Variants in PWWP3B observed in about 807,000 individuals in gnomAD.
PWWP3B encodes PWWP domain-containing DNA repair factor 3B.
A neutral mutation model predicts 15.7 loss-of-function variants in PWWP3B; 5 were observed. That is an observed-to-expected ratio of 0.32 (90% confidence interval 0.17 to 0.67). The LOEUF (loss-of-function observed/expected upper bound fraction) is 0.67. PWWP3B is among the 30% of genes least tolerant of loss of function. The pLI, the probability that PWWP3B is intolerant of heterozygous loss-of-function variation, is 0.74. For synonymous variants in PWWP3B, 203 were observed against 179.8 expected (o/e 1.13, Z -1.03); for missense variants, 519 against 493.1 (o/e 1.05, Z -0.50).
chrX:106,184,877 G>T (rs1922413843), intron 2 of PWWP3B, among the ~76,000 whole-genome samples: 1 of 110,978 alleles, frequency 9.0e-6, no homozygotes, highest in Non-Finnish European at 1.9e-5. Context: ...AGGGGTTTTT[G>T]TGGTCCCTTG....
intron 2 of PWWP3B, among the ~76,000 whole-genome samples, chrX:106,176,847 T>G (rs1921926297): frequency 8.9e-6 from 1 of 111,926 alleles, no homozygotes; most frequent in Admixed American, 9.5e-5. Flanking sequence ...GAGATATACA[T>G]CATGTGCCAG....
chrX:106,175,407 A>AT (rs1174209610), intron 2 of PWWP3B, among the ~76,000 whole-genome samples: 2 of 107,472 alleles, frequency 1.9e-5, no homozygotes, highest in Non-Finnish European at 3.9e-5. Flanking sequence ...CCCCCTGCTG[A>AT]TTTTTTGTAT....
intron 2 of PWWP3B, among the ~76,000 whole-genome samples, chrX:106,193,209 G>C (rs1050680927): frequency 5.4e-5 from 6 of 111,390 alleles, no homozygotes; most frequent in Non-Finnish European, 7.5e-5. Flanking sequence ...CTTGCTTTAT[G>C]AATCTGGGTG....
chrX:106,208,051 C>G lies in PWWP3B; in HGVS notation c.*528C>G. On this transcript the variant is annotated 3_prime_UTR_variant, in exon 4 of 4. Transcript: ENST00000357175. ...AAAAAAATTATCTGCTATATAGAAC[C>G]AAAGATAGATTCGCTTTGCTATATA... 1 of 123,616 alleles carries G rather than the reference C, an allele frequency of 8.1e-6. No individual in the cohort carries two copies. Among genetic ancestry groups the G allele is most frequent in the Middle Eastern group, 4.3e-3 (1 of 235 alleles). The allele number at this position is 123,616 out of a possible 1,213,427, so 10.2% of individuals were successfully genotyped here.
rs750656598 is a variant in PWWP3B, at chrX:106,205,525, G to A, written c.93G>A (p.Arg31=). The A allele has an allele frequency of 2.5e-6, 3 of 1,201,222 alleles. No individual in the cohort carries two copies. The African/African-American group carries it at 5.3e-5, about 21-fold the overall frequency. ...SRSETSSNSK[R]KKAFSLEVQI... ...CTGAAACTTCATCAAACAGTAAGAG[G>A]AAAAAGGCATTTTCTCTAGAAGTTC... Residue 31 remains arginine, a synonymous_variant, in exon 4 of 4, where the codon AGG becomes AGA. Transcript: ENST00000357175.
In PWWP3B at chrX:106,189,853, G is replaced by A. The variant is rs1333911233; in HGVS notation, c.-400-14132G>A. ...AGGATGGTCTCGATCTCCTGACCTC[G>A]TGATCCGCCTGCCTCGGCCTCCCAA... On this transcript the variant is annotated intron_variant, in intron 2 of 3. Coordinates refer to ENST00000357175, the MANE Select transcript of PWWP3B (RefSeq NM_001171020.2). 3.6e-5 allele frequency among the ~76,000 whole-genome samples: 4 copies of A among 111,189 alleles called. No individual in the cohort carries two copies. The South Asian group carries it at 1.5e-3, about 42-fold the overall frequency.
intron 2 of PWWP3B, among the ~76,000 whole-genome samples, chrX:106,193,730 G>T (rs1923166934): frequency 1.8e-5 from 2 of 111,629 alleles, no homozygotes; most frequent in South Asian, 7.6e-4. Context: ...TTTACGGCAG[G>T]CCTGGTGGTG....
At position 106,206,357 on chromosome X, in the gene PWWP3B, T is replaced by C. The variant is rs1343813124; in HGVS notation, c.925T>C (p.Cys309Arg). The change falls in exon 4 of 4, where the codon TGC (cysteine) becomes CGC (arginine). Residue 309 changes from cysteine (C) to arginine (R), a missense_variant. Physicochemically the swap from Cys to Arg is radical, Grantham distance 180. Transcript: ENST00000357175. ...SMESEMGAAA[C>R]PGSCSRECEV... ...GGAATCAGAGATGGGGGCTGCAGCA[T>C]GCCCTGGGAGTTGTTCAAGGGAATG... The C allele has an allele frequency of 5.0e-6, 6 of 1,203,921 alleles. No individual in the cohort carries two copies. Among genetic ancestry groups the C allele is most frequent in the Non-Finnish European group, 6.7e-6 (6 of 891,124 alleles).
chrX:106,195,380 A>G (rs1225478703), intron 2 of PWWP3B, among the ~76,000 whole-genome samples: 1 of 111,682 alleles, frequency 9.0e-6, no homozygotes, highest in Non-Finnish European at 1.9e-5. Flanking sequence ...TTTATGGTCC[A>G]TGCTTTTTAA....
chrX:106,205,811 G>C lies in PWWP3B; in HGVS notation c.379G>C (p.Asp127His). The C allele has an allele frequency of 8.3e-7, 1 of 1,211,097 alleles. No individual in the cohort carries two copies. Among genetic ancestry groups the C allele is most frequent in the Non-Finnish European group, 1.1e-6 (1 of 895,221 alleles). The change falls in exon 4 of 4, where the codon GAT becomes CAT. Residue 127 changes from aspartate (D) to histidine (H), a missense_variant. Coordinates refer to ENST00000357175, the MANE Select transcript of PWWP3B (RefSeq NM_001171020.2). ...LSQNVPQKQSDSPPHKKYRKD... is the reference protein window; with the variant it reads ...LSQNVPQKQSHSPPHKKYRKD... ...TCAAAATGTACCACAAAAACAGTCC[G>C]ATTCACCCCCTCATAAAAAATACCG...
intron 2 of PWWP3B, among the ~76,000 whole-genome samples, chrX:106,196,940 G>A (rs1015744167): frequency 9.0e-6 from 1 of 111,224 alleles, no homozygotes; most frequent in African/African-American, 3.3e-5. Context: ...ATTTTCAGTA[G>A]TCTCTTCATA....
At chrX:106,199,906 A>G (rs1022144346) in intron 2 of PWWP3B, among the ~76,000 whole-genome samples, 4 of 111,842 alleles carry the variant, frequency 3.6e-5, no homozygotes, top group African/African-American at 1.3e-4. Context: ...GTAAAAAAAA[A>G]TTAAACCAGT....
At chrX:106,184,532 G>A (rs1466185854) in intron 2 of PWWP3B, among the ~76,000 whole-genome samples, 1 of 111,638 alleles carries the variant, frequency 9.0e-6, no homozygotes, top group Non-Finnish European at 1.9e-5. Context: ...ATGGCTTGCT[G>A]ACCAGTAGGG....
intron 1 of PWWP3B, among the ~76,000 whole-genome samples, chrX:106,169,166 G>C (rs1921486802): frequency 9.0e-6 from 1 of 111,566 alleles, no homozygotes; most frequent in Non-Finnish European, 1.9e-5. Flanking sequence ...ATTTTACTTA[G>C]CATGTAGTTT....
intron 2 of PWWP3B, among the ~76,000 whole-genome samples, chrX:106,194,800 G>C (rs1386881768): frequency 8.9e-6 from 1 of 111,992 alleles, no homozygotes; most frequent in African/African-American, 3.3e-5. Flanking sequence ...GTTTGCTAGA[G>C]GTCCACTCCA....
chrX:106,206,104 CAA>C lies in PWWP3B; in HGVS notation c.674_675del (p.Lys225ArgfsTer7). On this transcript the variant is annotated frameshift_variant, in exon 4 of 4. Transcript: ENST00000357175. LOFTEE classifies it low-confidence loss of function (END_TRUNC). The part of the protein sequence containing the change: ...SAVMSVHSAV[K>X]EESACVKDEK... ...CAGTTATGTCTGTGCATTCTGCAGTCAAAGAGGAAAGTGCATGTGTTAAAGAT... is the reference window on the plus strand; with the variant it reads ...CAGTTATGTCTGTGCATTCTGCAGTCAGAGGAAAGTGCATGTGTTAAAGAT... 8.3e-7 allele frequency: 1 copy of C among 1,210,863 alleles called. No homozygotes were observed. The highest frequency in any genetic ancestry group is 1.1e-6 in the Non-Finnish European group (1 of 894,937).
At chrX:106,175,561 A>G (rs1250263247) in intron 2 of PWWP3B, among the ~76,000 whole-genome samples, 3 of 110,805 alleles carry the variant, frequency 2.7e-5, no homozygotes, top group Non-Finnish European at 3.8e-5. Flanking sequence ...ATATTCACCA[A>G]TTTCCTCACA....
intron 2 of PWWP3B, among the ~76,000 whole-genome samples, chrX:106,201,507 C>T (rs929591508): frequency 2.7e-5 from 3 of 112,710 alleles, no homozygotes. Flanking sequence ...CAAGAAATCA[C>T]ACACCCTAAG....
chrX:106,169,383 C>G (rs1921496063), intron 1 of PWWP3B, among the ~76,000 whole-genome samples: 2 of 111,805 alleles, frequency 1.8e-5, no homozygotes, highest in African/African-American at 6.5e-5. Context: ...GTGAACAACT[C>G]AGGGTTTGAG....
Sources: allele counts gnomAD v4.1 joint callset (sites outside exome capture counted in the v4.1 genomes callset), GRCh38; gene constraint gnomAD v4.1.1; transcripts MANE v1.5; gene names NCBI Gene and HGNC (gene_info 2026-07-23, HGNC 2026-07-21).